Variants in DMD observed in about 807,000 individuals in gnomAD.
DMD encodes dystrophin, also known as mutant dystrophin.
DMD carries 63 observed loss-of-function variants against 330.1 expected under a neutral mutation model. The ratio of observed to expected loss-of-function variants is 0.19; its 90% CI spans 0.16 to 0.24. The LOEUF is 0.24. Ranked by LOEUF, DMD falls within the 10% of genes least tolerant of loss-of-function variation. The pLI is 1.00. For synonymous variants in DMD, 1,223 were observed against 959.8 expected (o/e 1.27, Z -5.07); for missense variants, 3,344 against 2,684.1 (o/e 1.25, Z -5.43).
intron 44 of DMD, among the ~76,000 whole-genome samples, chrX:32,189,627 ATT>A (rs34255436): frequency 0.15 from 15,857 of 104,801 alleles, 948 homozygotes; most frequent in Middle Eastern, 0.17. Flanking sequence ...TACTTCTAGG[ATT>A]TTTTTTTTTT....
chrX:32,583,377 C>T (rs7061863), intron 13 of DMD, among the ~76,000 whole-genome samples: 4,528 of 111,019 alleles, frequency 0.041, 245 homozygotes, highest in African/African-American at 0.14. Flanking sequence ...TGGGCACCTG[C>T]AAACCCAGCT....
chrX:32,917,172 C>G (rs1382407066), intron 2 of DMD, among the ~76,000 whole-genome samples: 1 of 88,160 alleles, frequency 1.1e-5, no homozygotes, highest in East Asian at 3.5e-4. Flanking sequence ...CCCCCCCCCA[C>G]ATCCCCCAGC....
intron 43 of DMD, among the ~76,000 whole-genome samples, chrX:32,274,486 C>T (rs1007071731): frequency 8.9e-6 from 1 of 111,811 alleles, no homozygotes; most frequent in Non-Finnish European, 1.9e-5. Context: ...CTGGATGAAG[C>T]GGTGATCATA....
intron 44 of DMD, among the ~76,000 whole-genome samples, chrX:32,065,218 A>C (rs952385816): frequency 2.7e-5 from 3 of 111,652 alleles, no homozygotes; most frequent in Non-Finnish European, 3.8e-5. Flanking sequence ...ATCACACCAC[A>C]GGAACATGTC....
At chrX:32,548,612 G>A (rs1185180572) in intron 16 of DMD, among the ~76,000 whole-genome samples, 1 of 111,528 alleles carries the variant, frequency 9.0e-6, no homozygotes, top group Non-Finnish European at 1.9e-5. Context: ...CATAAACATT[G>A]GTTGATTTTT....
intron 78 of DMD, among the ~76,000 whole-genome samples, chrX:31,125,065 T>A (rs17340540): frequency 0.018 from 1,971 of 111,417 alleles, 42 homozygotes; most frequent in South Asian, 0.13. Flanking sequence ...GGTAGTCAAG[T>A]CTGCAAATGC....
At chrX:31,909,529 A>G (rs191523046) in intron 47 of DMD, among the ~76,000 whole-genome samples, 1 of 109,991 alleles carries the variant, frequency 9.1e-6, no homozygotes, top group East Asian at 2.8e-4. Flanking sequence ...AAAAAAAAAA[A>G]AAAAAAACAA....
intron 1 of DMD, among the ~76,000 whole-genome samples, chrX:33,130,368 G>T (rs2095491926): frequency 9.0e-6 from 1 of 110,735 alleles, no homozygotes; most frequent in Non-Finnish European, 1.9e-5. Context: ...AAGACACTTG[G>T]CATCTGGGAA....
intron 2 of DMD, among the ~76,000 whole-genome samples, chrX:32,958,360 A>C (rs1401065016): frequency 2.7e-5 from 3 of 111,611 alleles, no homozygotes; most frequent in East Asian, 5.7e-4. Flanking sequence ...TATTTCACTT[A>C]ATTTCTCAGA....
chrX:32,992,302 C>T (rs558479305), intron 2 of DMD, among the ~76,000 whole-genome samples: 1 of 111,842 alleles, frequency 8.9e-6, no homozygotes, highest in Admixed American at 9.5e-5. Context: ...TAAGACAACA[C>T]GCTGCCTTCA....
chrX:32,641,407 C>CATATATATATATATATATATAT (rs1569366795), intron 11 of DMD: 3 of 63,205 alleles, frequency 4.7e-5, no homozygotes, highest in Admixed American at 2.3e-4. Flanking sequence ...GTATTTTATA[C>CATATATATATATATATATATAT]GTATATATAT....
intron 44 of DMD, among the ~76,000 whole-genome samples, chrX:31,986,986 G>T (rs1024203715): frequency 9.0e-6 from 1 of 111,313 alleles, no homozygotes; most frequent in South Asian, 3.8e-4. Flanking sequence ...ATTCTCTCTC[G>T]ATTATCTATA....
intron 1 of DMD, among the ~76,000 whole-genome samples, chrX:33,296,644 A>G (rs1369121244): frequency 3.6e-5 from 4 of 110,873 alleles, no homozygotes; most frequent in Non-Finnish European, 7.6e-5. Flanking sequence ...TTGACATACA[A>G]TTTAACTTAC....
intron 30 of DMD, among the ~76,000 whole-genome samples, chrX:32,408,082 C>A (rs1317083037): frequency 9.1e-6 from 1 of 110,222 alleles, no homozygotes; most frequent in Non-Finnish European, 1.9e-5. Flanking sequence ...ATGCAACTAA[C>A]CTGCACGTTG....
At chrX:32,207,904 T>TA (rs1314439930) in intron 44 of DMD, among the ~76,000 whole-genome samples, 10 of 111,625 alleles carry the variant, frequency 9.0e-5, no homozygotes, top group Non-Finnish European at 1.9e-4. Flanking sequence ...CCATAAATTA[T>TA]AAAAAAATAG....
At chrX:31,358,924 C>T (rs2148565686) in intron 60 of DMD, among the ~76,000 whole-genome samples, 1 of 111,987 alleles carries the variant, frequency 8.9e-6, no homozygotes, top group Admixed American at 9.5e-5. Context: ...CCTTTCTTTC[C>T]CAACTGCTTG....
intron 74 of DMD, among the ~76,000 whole-genome samples, chrX:31,149,095 G>C (rs1054167029): frequency 2.7e-5 from 3 of 111,856 alleles, no homozygotes; most frequent in Admixed American, 9.5e-5. Context: ...TTTAAAATTT[G>C]GTTTTTCACA....
chrX:31,871,388 T>C (rs1404651565), intron 48 of DMD, among the ~76,000 whole-genome samples: 2 of 111,181 alleles, frequency 1.8e-5, no homozygotes, highest in Non-Finnish European at 3.8e-5. Context: ...ACACAGCCCT[T>C]AAAGCTTTTT....
At chrX:31,711,569 T>A (rs188119802) in intron 52 of DMD, among the ~76,000 whole-genome samples, 1 of 111,576 alleles carries the variant, frequency 9.0e-6, no homozygotes, top group African/African-American at 3.3e-5. Context: ...ATCAGACTTG[T>A]GAAGTTTCAA....
Sources: gnomAD v4.1 joint callset for allele counts (sites outside exome capture counted in the v4.1 genomes callset) on GRCh38, gnomAD v4.1.1 for gene constraint, MANE v1.5 for transcripts, NCBI Gene and HGNC (gene_info 2026-07-23, HGNC 2026-07-21) for gene names.